The following GRM8 variants were observed in gnomAD, a reference collection of about 807,000 sequenced individuals.
The protein encoded by GRM8 is metabotropic glutamate receptor 8.
GRM8 carries 47 observed loss-of-function variants against 87.2 expected under a neutral mutation model. The observed-to-expected ratio is 0.54, with a 90% CI of 0.43 to 0.69. GRM8 has a LOEUF of 0.69. Among genes scored for constraint, GRM8 ranks in the 30% least tolerant of loss-of-function variants. The pLI is 0.00. For synonymous variants in GRM8, 396 were observed against 404.5 expected (o/e 0.98, Z 0.25); for missense variants, 1,019 against 1,139.2 (o/e 0.89, Z 1.52).
At chr7:127,032,501 C>T (rs906052196) in intron 3 of GRM8, among the ~76,000 whole-genome samples, 1 of 152,136 alleles carries the variant, frequency 6.6e-6, no homozygotes, top group East Asian at 1.9e-4. Context: ...GAAGACTATT[C>T]CAACCATCTT....
At chr7:126,997,356 CA>C (rs1813280339) in intron 3 of GRM8, among the ~76,000 whole-genome samples, 1 of 151,200 alleles carries the variant, frequency 6.6e-6, no homozygotes, top group Non-Finnish European at 1.5e-5. Flanking sequence ...AAAACTTAAA[CA>C]GCCTGATGAT....
At chr7:127,112,981 G>GA (rs568677705) in intron 2 of GRM8, among the ~76,000 whole-genome samples, 103 of 152,120 alleles carry the variant, frequency 6.8e-4, no homozygotes, top group African/African-American at 2.4e-3. Context: ...TCCAGACAGG[G>GA]AAAAAAGTGC....
At chr7:126,887,174 G>A (rs943338422) in intron 6 of GRM8, among the ~76,000 whole-genome samples, 9 of 152,096 alleles carry the variant, frequency 5.9e-5, no homozygotes, top group Non-Finnish European at 1.2e-4. Context: ...GAATCAACTA[G>A]AGATAGGTAC....
intron 3 of GRM8, among the ~76,000 whole-genome samples, chr7:126,931,147 T>A (rs541263113): frequency 1.3e-5 from 2 of 152,326 alleles, no homozygotes; most frequent in African/African-American, 4.8e-5. Flanking sequence ...AAAATAATTT[T>A]CAGGAGTAAT....
At chr7:126,692,442 C>T (rs1808929450) in intron 7 of GRM8, among the ~76,000 whole-genome samples, 1 of 152,174 alleles carries the variant, frequency 6.6e-6, no homozygotes, top group Admixed American at 6.5e-5. Flanking sequence ...GACTAAGGCC[C>T]TCTCCATGTC....
At chr7:127,224,744 T>A (rs1797205724) in intron 2 of GRM8, among the ~76,000 whole-genome samples, 1 of 152,114 alleles carries the variant, frequency 6.6e-6, no homozygotes, top group Non-Finnish European at 1.5e-5. Flanking sequence ...AATAAGACAA[T>A]CATATAATTG....
chr7:126,749,074 G>A (rs1053339994), intron 7 of GRM8, among the ~76,000 whole-genome samples: 2 of 152,086 alleles, frequency 1.3e-5, no homozygotes, highest in Admixed American at 1.3e-4. Context: ...AGGAGTTCGA[G>A]ACCAGCCTGG....
At chr7:126,528,732 C>T (rs903212665) in intron 9 of GRM8, among the ~76,000 whole-genome samples, 1 of 151,772 alleles carries the variant, frequency 6.6e-6, no homozygotes, top group Admixed American at 6.6e-5. Flanking sequence ...GAGAACAGGG[C>T]TGGGGGTGAT....
rs1805949496 is a variant in GRM8, at chr7:126,667,905, G to A, written c.1358-58407C>T. Among the ~76,000 whole-genome samples the A allele has an allele frequency of 2.0e-5, 3 of 152,216 alleles. No individual in the cohort carries two copies. The South Asian group carries it at 6.2e-4, about 32-fold the overall frequency. On this transcript the variant is annotated intron_variant, in intron 7 of 10. Transcript: ENST00000339582. ...CAAGAGCAACATGTGGCCACGGGAA[G>A]CAGCAAGAACAGACTGCCATACTTT... is the stretch of plus-strand genomic sequence containing the variant.
At chr7:127,034,466 A>G (rs1817666398) in intron 3 of GRM8, among the ~76,000 whole-genome samples, 1 of 152,216 alleles carries the variant, frequency 6.6e-6, no homozygotes, top group Admixed American at 6.5e-5. Flanking sequence ...TAAGAGGTAA[A>G]GCAGCTAATC....
At chr7:126,450,988 G>A (rs1802556671) in intron 9 of GRM8, among the ~76,000 whole-genome samples, 1 of 151,778 alleles carries the variant, frequency 6.6e-6, no homozygotes, top group Admixed American at 6.6e-5. Flanking sequence ...TAATAGAAGG[G>A]CCCCATGCTT....
At chr7:126,717,073 T>C (rs530118710) in intron 7 of GRM8, among the ~76,000 whole-genome samples, 4 of 152,270 alleles carry the variant, frequency 2.6e-5, no homozygotes, top group Middle Eastern at 3.4e-3. Context: ...TGCAGCAGAT[T>C]ATGAAAATGA....
At chr7:127,242,398 T>C (rs1798353660) in intron 2 of GRM8, among the ~76,000 whole-genome samples, 1 of 151,954 alleles carries the variant, frequency 6.6e-6, no homozygotes, top group Admixed American at 6.6e-5. Context: ...AAAATGAGCC[T>C]AACAAAGAGG....
At chr7:126,536,007 T>C (rs1815659001) in intron 8 of GRM8, among the ~76,000 whole-genome samples, 1 of 152,128 alleles carries the variant, frequency 6.6e-6, no homozygotes, top group Non-Finnish European at 1.5e-5. Flanking sequence ...TTTACGGAAA[T>C]GTTGTGAGAT....
intron 6 of GRM8, among the ~76,000 whole-genome samples, chr7:126,772,364 G>A (rs1000070709): frequency 4.6e-5 from 7 of 152,192 alleles, no homozygotes; most frequent in African/African-American, 1.4e-4. Context: ...ATTTTGCATC[G>A]CTGAACTTGA....
At position 126,466,971 on chromosome 7, in the gene GRM8, A is replaced by C. The variant is rs183716922; in HGVS notation, c.2431-20599T>G. On this transcript the variant is annotated intron_variant, in intron 9 of 10. Coordinates refer to ENST00000339582, the MANE Select transcript of GRM8 (RefSeq NM_000845.3). Reference sequence around the variant, plus strand: ...GTTTTGAATTTCTGGGTAAATTCTAAATAAAATTAAGGAATAAACATTCTT... The same window carrying C: ...GTTTTGAATTTCTGGGTAAATTCTACATAAAATTAAGGAATAAACATTCTT... 4.9e-4 allele frequency among the ~76,000 whole-genome samples: 75 copies of C among 152,032 alleles called. 1 individual carries two copies. Among genetic ancestry groups the C allele is most frequent in the Middle Eastern group, 6.8e-3 (2 of 294 alleles).
intron 3 of GRM8, among the ~76,000 whole-genome samples, chr7:126,969,243 A>C (rs568443976): frequency 2.0e-5 from 3 of 152,300 alleles, no homozygotes; most frequent in African/African-American, 7.2e-5. Context: ...AAAATAAAAC[A>C]ACAATAAAAC....
At chr7:127,022,493 G>C (rs1438374194) in intron 3 of GRM8, among the ~76,000 whole-genome samples, 1 of 151,954 alleles carries the variant, frequency 6.6e-6, no homozygotes, top group Non-Finnish European at 1.5e-5. Context: ...CCCTGACAGG[G>C]GAAGAGAGAT....
chr7:127,084,799 G>C (rs950797630), intron 3 of GRM8: 3 of 152,194 alleles, frequency 2.0e-5, no homozygotes, highest in African/African-American at 4.8e-5. Context: ...GCTGGTGGAA[G>C]GAAAGACCAC....
Sources: allele counts gnomAD v4.1 joint callset (sites outside exome capture counted in the v4.1 genomes callset), GRCh38; gene constraint gnomAD v4.1.1; transcripts MANE v1.5; gene names NCBI Gene and HGNC (gene_info 2026-07-23, HGNC 2026-07-21).